The following WWOX variants were observed in gnomAD, a reference collection of about 807,000 sequenced individuals.
WWOX encodes the protein WW domain containing oxidoreductase.
In WWOX, 69 loss-of-function variants were observed where a neutral mutation model predicts 46.2. The ratio of observed to expected loss-of-function variants is 1.49; its 90% CI spans 1.23 to 1.82. The LOEUF (loss-of-function observed/expected upper bound fraction) is 1.82, where lower values mean the gene tolerates loss of function less well. Among genes scored for constraint, WWOX ranks in the 40% most tolerant of loss-of-function variants. WWOX has a pLI of 0.00. For synonymous variants in WWOX, 359 were observed against 202.6 expected, an observed-to-expected ratio of 1.77 and a Z score of -6.56; for missense variants, 919 against 542.6, an observed-to-expected ratio of 1.69 and a Z score of -6.89.
At chr16:78,403,199 AT>A (rs1001263412) in intron 6 of WWOX, among the ~76,000 whole-genome samples, 2 of 151,990 alleles carry the variant, frequency 1.3e-5, no homozygotes, top group African/African-American at 2.4e-5. Context: ...TCCCCAAACA[AT>A]TTTTTTCTTA....
chr16:78,450,210 A>G (rs925356248), intron 8 of WWOX, among the ~76,000 whole-genome samples: 2 of 152,206 alleles, frequency 1.3e-5, no homozygotes, highest in African/African-American at 4.8e-5. Flanking sequence ...ATGCTTCTTC[A>G]CATGGCACCT....
At chr16:79,038,257 C>T (rs1001850035) in intron 8 of WWOX, among the ~76,000 whole-genome samples, 3 of 152,034 alleles carry the variant, frequency 2.0e-5, no homozygotes, top group African/African-American at 7.2e-5. Context: ...CCAGAAAGAT[C>T]CAGTGAATTG....
At chr16:78,925,117 C>T (rs62038100) in intron 8 of WWOX, among the ~76,000 whole-genome samples, 2 of 152,134 alleles carry the variant, frequency 1.3e-5, no homozygotes, top group African/African-American at 2.4e-5. Context: ...ATTGGTTGAG[C>T]CTGGGAGGTC....
chr16:78,719,737 C>T (rs1240252820), intron 8 of WWOX, among the ~76,000 whole-genome samples: 6 of 152,154 alleles, frequency 3.9e-5, no homozygotes, highest in Non-Finnish European at 8.8e-5. Context: ...TGGAAAATAT[C>T]ACTTAACTTT....
chr16:78,109,748 A>G (rs764577418), intron 2 of WWOX, 30 bp from the exon 3 acceptor site: 1 of 1,613,722 alleles, frequency 6.2e-7, no homozygotes, highest in Non-Finnish European at 8.5e-7. Context: ...TCTCCCTGGC[A>G]CCTGTAGACC....
At chr16:78,555,370 G>A (rs144994372) in intron 8 of WWOX, among the ~76,000 whole-genome samples, 4 of 152,220 alleles carry the variant, frequency 2.6e-5, no homozygotes, top group African/African-American at 9.6e-5. Flanking sequence ...ATTTGGCACA[G>A]TTATTGTTGA....
chr16:78,604,100 C>T (rs1036663466), intron 8 of WWOX, among the ~76,000 whole-genome samples: 6 of 152,102 alleles, frequency 3.9e-5, no homozygotes, highest in East Asian at 1.9e-4. Context: ...GCTGTGATCA[C>T]GCCACTGAAT....
At chr16:78,432,867 G>A (rs2083258276) in intron 8 of WWOX, 115 bp downstream of exon 8, 1 of 1,510,692 alleles carries the variant, frequency 6.6e-7, no homozygotes, top group Non-Finnish European at 9.2e-7. Flanking sequence ...TAATAACATT[G>A]TCCAGCCCAT....
At chr16:78,552,449 A>G (rs1411640226) in intron 8 of WWOX, 2 of 152,204 alleles carry the variant, frequency 1.3e-5, no homozygotes, top group East Asian at 1.9e-4. Flanking sequence ...ATCCAGCTCC[A>G]TGCTGGATAT....
intron 5 of WWOX, among the ~76,000 whole-genome samples, chr16:78,195,264 A>G (rs1347660522): frequency 6.6e-6 from 1 of 152,148 alleles, no homozygotes; most frequent in African/African-American, 2.4e-5. Flanking sequence ...GACTGACTGG[A>G]ACCTGCTCCT....
chr16:78,357,441 A>C (rs1425153487), intron 5 of WWOX, among the ~76,000 whole-genome samples: 1 of 152,136 alleles, frequency 6.6e-6, no homozygotes, highest in African/African-American at 2.4e-5. Context: ...TCATTCAATC[A>C]ATGAATGATT....
rs2083249377 is a variant in WWOX at position 78,432,564 on chromosome 16, A to T, written c.868A>T (p.Met290Leu). The T allele has an allele frequency of 6.2e-7, 1 of 1,614,076 alleles. No individual in the cohort carries two copies. The highest frequency in any genetic ancestry group is 1.3e-5 in the African/African-American group (1 of 74,930). The change falls in exon 8 of 9, where the codon ATG becomes TTG. Residue 290 changes from methionine (M) to leucine (L), a missense_variant. Physicochemically the swap from Met to Leu is conservative, Grantham distance 15. Transcript: ENST00000566780. ...TCCAACAAAAAACGACTATTGGGCG[A>T]TGCTGGCTTATAACAGGTCCAAGCT... The part of the protein sequence containing the change: ...LSPTKNDYWA[M>L]LAYNRSKLCN...
intron 8 of WWOX, among the ~76,000 whole-genome samples, chr16:78,639,004 G>C (rs1268062045): frequency 6.6e-6 from 1 of 152,106 alleles, no homozygotes; most frequent in Admixed American, 6.5e-5. Flanking sequence ...CTGGGTATCA[G>C]GGCTGCTTTC....
rs772100598 is a variant in WWOX, at chr16:78,504,225, T to C, written c.1056+71473T>C. On this transcript the variant is annotated intron_variant, in intron 8 of 8. Transcript: ENST00000566780. ...TGGAAAAATGAAATCATGTATTCTC[T>C]AGGATATATTAGGAAATGGCTCTTT... Among the ~76,000 whole-genome samples, 4 of 152,334 alleles carry C rather than the reference T, an allele frequency of 2.6e-5. No individual in the cohort carries two copies. The East Asian group carries it at 5.8e-4, about 22-fold the overall frequency.
intron 8 of WWOX, among the ~76,000 whole-genome samples, chr16:78,575,289 A>G (rs564466273): frequency 2.0e-5 from 3 of 149,938 alleles, no homozygotes; most frequent in South Asian, 2.1e-4. Context: ...AGTTGTTAAG[A>G]CTATCTAAGA....
At chr16:79,018,360 T>A (rs1324333685) in intron 8 of WWOX, among the ~76,000 whole-genome samples, 1 of 152,180 alleles carries the variant, frequency 6.6e-6, no homozygotes, top group Non-Finnish European at 1.5e-5. Context: ...TAGTGCTCTG[T>A]AAACATTATG....
At chr16:78,974,906 A>T (rs968273496) in intron 8 of WWOX, among the ~76,000 whole-genome samples, 2 of 152,148 alleles carry the variant, frequency 1.3e-5, no homozygotes, top group Non-Finnish European at 2.9e-5. Context: ...GCTGCAAGTC[A>T]GGGTCCACCG....
intron 8 of WWOX, among the ~76,000 whole-genome samples, chr16:78,521,239 T>G (rs1434971299): frequency 6.6e-6 from 1 of 152,212 alleles, no homozygotes; most frequent in Non-Finnish European, 1.5e-5. Context: ...TTAAAGTAAT[T>G]AGAGACGGGA....
chr16:78,633,136 C>A (rs913356637), intron 8 of WWOX, among the ~76,000 whole-genome samples: 1 of 151,992 alleles, frequency 6.6e-6, no homozygotes, highest in African/African-American at 2.4e-5. Flanking sequence ...GTGGCGTGTG[C>A]CTGTAATCCC....
Sources: allele counts gnomAD v4.1 joint callset (sites outside exome capture counted in the v4.1 genomes callset), GRCh38; gene constraint gnomAD v4.1.1; transcripts MANE v1.5; gene names NCBI Gene and HGNC (gene_info 2026-07-23, HGNC 2026-07-21).